The following PAK3 variants were observed in gnomAD, a reference collection of about 807,000 sequenced individuals.
PAK3 encodes serine/threonine-protein kinase PAK 3.
Under a neutral mutation model 41.0 loss-of-function variants are expected in PAK3, and 4 were observed. The observed-to-expected ratio is 0.10, with a 90% CI of 0.05 to 0.22. The LOEUF is 0.22. Among genes scored for constraint, PAK3 ranks in the 10% least tolerant of loss-of-function variants. The probability of loss-of-function intolerance (pLI) is 1.00; values close to 1 mark genes in which losing one functional copy is unlikely to be tolerated. For synonymous variants in PAK3, 146 were observed against 139.6 expected (o/e 1.05, Z -0.32); for missense variants, 205 against 409.9 (o/e 0.50, Z 4.32).
At chrX:110,988,662 G>A (rs2091589418) in intron 1 of PAK3, among the ~76,000 whole-genome samples, 1 of 111,792 alleles carries the variant, frequency 8.9e-6, no homozygotes, top group Admixed American at 9.5e-5. Context: ...TGACCAACAA[G>A]GGAATGGAGT....
At chrX:111,158,259 G>T (rs1203866244) in intron 8 of PAK3, among the ~76,000 whole-genome samples, 1 of 112,040 alleles carries the variant, frequency 8.9e-6, no homozygotes, top group Non-Finnish European at 1.9e-5. Flanking sequence ...AAGTTTTAGT[G>T]AGCAAGCTGT....
intron 1 of PAK3, among the ~76,000 whole-genome samples, chrX:111,028,692 T>A (rs1257035491): frequency 8.9e-6 from 1 of 112,121 alleles, no homozygotes; most frequent in Admixed American, 9.5e-5. Context: ...AAACACTTAG[T>A]AAGCACTTGC....
intron 10 of PAK3, among the ~76,000 whole-genome samples, chrX:111,171,890 A>C (rs1039981029): frequency 8.9e-5 from 10 of 112,032 alleles, no homozygotes; most frequent in Non-Finnish European, 1.5e-4. Flanking sequence ...ATGTCAGTAA[A>C]TCTGTTCAAA....
intron 4 of PAK3, among the ~76,000 whole-genome samples, chrX:111,118,241 G>A (rs1269822145): frequency 9.0e-6 from 1 of 111,503 alleles, no homozygotes; most frequent in African/African-American, 3.3e-5. Context: ...TGAGGTGGTT[G>A]GTTCTTTTGT....
At chrX:110,988,024 G>T (rs1339293103) in intron 1 of PAK3, among the ~76,000 whole-genome samples, 2 of 112,624 alleles carry the variant, frequency 1.8e-5, no homozygotes, top group Non-Finnish European at 3.7e-5. Flanking sequence ...CTGAAGCACT[G>T]GTGTGGAGTA....
At chrX:111,073,687 G>A (rs762361807) in intron 1 of PAK3, among the ~76,000 whole-genome samples, 1 of 111,400 alleles carries the variant, frequency 9.0e-6, no homozygotes, top group Non-Finnish European at 1.9e-5. Flanking sequence ...CAGACAAATG[G>A]TGAGTAAAGA....
At chrX:110,946,875 T>C in intron 1 of PAK3, among the ~76,000 whole-genome samples, 1 of 112,665 alleles carries the variant, frequency 8.9e-6, no homozygotes, top group African/African-American at 3.2e-5. Flanking sequence ...TTTTACATTT[T>C]AGGTACTTTT....
At chrX:111,186,493 C>A (rs111456360) in intron 11 of PAK3, among the ~76,000 whole-genome samples, 13,369 of 110,459 alleles carry the variant, frequency 0.12, 1,612 homozygotes, top group African/African-American at 0.37. Flanking sequence ...TCCTATACAC[C>A]AATAATAGAG....
intron 16 of PAK3, among the ~76,000 whole-genome samples, chrX:111,214,239 C>T (rs996093049): frequency 2.7e-5 from 3 of 111,773 alleles, no homozygotes; most frequent in Non-Finnish European, 5.6e-5. Context: ...GGTGTACATA[C>T]GACGCAGAGA....
chrX:111,174,068 C>T (rs1380357117), intron 11 of PAK3, among the ~76,000 whole-genome samples: 1 of 110,730 alleles, frequency 9.0e-6, no homozygotes, highest in Admixed American at 9.6e-5. Flanking sequence ...CTGTGCTAGC[C>T]GATCAGCCAT....
chrX:110,955,449 G>A (rs992495826), intron 1 of PAK3, among the ~76,000 whole-genome samples: 2 of 111,441 alleles, frequency 1.8e-5, no homozygotes, highest in Non-Finnish European at 3.8e-5. Context: ...TGCCGTTTCC[G>A]GTAATGAGAG....
upstream of PAK3, among the ~76,000 whole-genome samples, chrX:111,091,299 C>T (rs1603186013): frequency 6.3e-5 from 7 of 111,338 alleles, no homozygotes; most frequent in South Asian, 2.7e-3. Context: ...AAGCTGCCAC[C>T]ATTTAGGGAG....
At chrX:111,011,400 G>C (rs956125099) in intron 1 of PAK3, among the ~76,000 whole-genome samples, 1 of 111,662 alleles carries the variant, frequency 9.0e-6, no homozygotes, top group Non-Finnish European at 1.9e-5. Flanking sequence ...GGGTCTTCCT[G>C]TTCCACCACA....
intron 17 of PAK3, 133 bp downstream of exon 17, chrX:111,216,691 T>A: frequency 3.4e-6 from 2 of 582,471 alleles, no homozygotes; most frequent in Non-Finnish European, 5.8e-6. Context: ...CACAGGCACA[T>A]AACTATAGGC....
intron 3 of PAK3, among the ~76,000 whole-genome samples, chrX:111,099,908 T>C (rs1184471604): frequency 5.5e-5 from 6 of 108,533 alleles, no homozygotes; most frequent in African/African-American, 2.0e-4. Context: ...AGTATAGCCC[T>C]CTTCTTCCCC....
At chrX:110,998,735 C>T (rs763548455) in intron 1 of PAK3, among the ~76,000 whole-genome samples, 15 of 112,332 alleles carry the variant, frequency 1.3e-4, no homozygotes, top group African/African-American at 4.8e-4. Flanking sequence ...TCAGCACCTT[C>T]TATGGTCCCT....
Position 111,193,388 on chromosome X carries a change from C to T in PAK3, c.992+770C>T, listed in dbSNP as rs181883698. Among the ~76,000 whole-genome samples the T allele has an allele frequency of 3.7e-3, 362 of 97,495 alleles. 2 individuals carry two copies. Among genetic ancestry groups the T allele is most frequent in the South Asian group, 0.012 (20 of 1,716 alleles). The allele number at this position is 97,495 out of a possible 115,157, so 84.7% of individuals were successfully genotyped here. A position where few individuals can be genotyped will look rare whatever the true frequency, so the allele number is the denominator to read the frequency against. ...TTTTTTTTACAGAGTCTTGCTCTGT[C>T]GCCCAGGCTAGAGTGCAGTGGCGTG... On this transcript the variant is annotated intron_variant, in intron 13 of 17. Transcript: ENST00000372007.
intron 16 of PAK3, among the ~76,000 whole-genome samples, chrX:111,200,113 T>C (rs1273740278): frequency 2.7e-5 from 3 of 110,951 alleles, no homozygotes; most frequent in Non-Finnish European, 5.7e-5. Flanking sequence ...GAGTCTAAAA[T>C]TGAATTGTAC....
intron 1 of PAK3, among the ~76,000 whole-genome samples, chrX:111,025,235 C>T (rs766392529): frequency 9.0e-6 from 1 of 110,730 alleles, no homozygotes; most frequent in South Asian, 3.8e-4. Context: ...CCTCACAGAA[C>T]TAGAGAAACA....
Sources: gnomAD v4.1 joint callset for allele counts (sites outside exome capture counted in the v4.1 genomes callset) on GRCh38, gnomAD v4.1.1 for gene constraint, MANE v1.5 for transcripts, NCBI Gene and HGNC (gene_info 2026-07-23, HGNC 2026-07-21) for gene names.